The following ZNF140 variants were observed in gnomAD, a reference collection of about 807,000 sequenced individuals.
The protein encoded by ZNF140 is zinc finger protein 140.
ZNF140 carries 13 observed loss-of-function variants against 12.9 expected under a neutral mutation model. The observed-to-expected ratio is 1.01, with a 90% CI of 0.66 to 1.60. ZNF140 has a LOEUF of 1.60. Among genes scored for constraint, ZNF140 ranks in the 40% most tolerant of loss-of-function variants. The pLI is 0.00. For synonymous variants in ZNF140, 214 were observed against 186.7 expected (o/e 1.15, Z -1.19); for missense variants, 531 against 548.8 (o/e 0.97, Z 0.32).
At chr12:133,103,017 CA>C (rs1955412209) in intron 4 of ZNF140, among the ~76,000 whole-genome samples, 1 of 151,934 alleles carries the variant, frequency 6.6e-6, no homozygotes, top group Non-Finnish European at 1.5e-5. Context: ...CAATTAACCC[CA>C]TTTTTTCTTC....
Position 133,106,227 on chromosome 12 carries a change from C to T in ZNF140, c.950C>T (p.Thr317Ile). Residue 317 changes from threonine to isoleucine, a missense_variant, in exon 5 of 5, where the codon ACT becomes ATT. Coordinates refer to ENST00000355557, the MANE Select transcript of ZNF140 (RefSeq NM_003440.4). ...GKAFRRFSHL[T>I]RHQSIHTTKT... ...GCATTTCGCCGTTTCTCACACCTTA[C>T]TCGACATCAGAGCATCCATACAACC... 6.2e-7 allele frequency: 1 copy of T among 1,614,182 alleles called. No individual in the cohort carries two copies. The highest frequency in any genetic ancestry group is 8.5e-7 in the Non-Finnish European group (1 of 1,180,022).
chr12:133,105,055 GA>G (rs1308444481), intron 4 of ZNF140, among the ~76,000 whole-genome samples: 1 of 152,130 alleles, frequency 6.6e-6, no homozygotes, highest in Non-Finnish European at 1.5e-5. Flanking sequence ...AGTTTTCAGA[GA>G]AACCGCTTTT....
intron 4 of ZNF140, among the ~76,000 whole-genome samples, chr12:133,097,818 C>CGTGTGTGTGTGTGTGT (rs1377287336): frequency 0.042 from 4,493 of 106,464 alleles, 145 homozygotes; most frequent in African/African-American, 0.12. Flanking sequence ...CACATCTAAC[C>CGTGTGTGTGTGTGTGT]ATGTGTGTGT....
chr12:133,091,067 A>T (rs1303870908), intron 4 of ZNF140, among the ~76,000 whole-genome samples: 6 of 149,132 alleles, frequency 4.0e-5, no homozygotes, highest in Admixed American at 2.0e-4. Flanking sequence ...TCTCAACTGC[A>T]AGAGGCTTTC....
intron 4 of ZNF140, among the ~76,000 whole-genome samples, chr12:133,102,756 A>AG (rs1955393910): frequency 6.7e-6 from 1 of 149,370 alleles, no homozygotes; most frequent in African/African-American, 2.4e-5. Flanking sequence ...TTCTTAAAAA[A>AG]AAAAAAAAGA....
At chr12:133,105,158 G>GT in intron 4 of ZNF140, among the ~76,000 whole-genome samples, 1 of 152,160 alleles carries the variant, frequency 6.6e-6, no homozygotes, top group East Asian at 1.9e-4. Context: ...TTAGTGTTTA[G>GT]TAGCAGCATT....
At chr12:133,101,025 C>T in intron 4 of ZNF140, 1 of 452,406 alleles carries the variant, frequency 2.2e-6, no homozygotes, top group Non-Finnish European at 4.4e-6. Context: ...GAGAGGACTA[C>T]TGTAATTCCC....
intron 4 of ZNF140, among the ~76,000 whole-genome samples, chr12:133,093,771 G>T (rs1954975925): frequency 6.6e-6 from 1 of 150,748 alleles, no homozygotes; most frequent in South Asian, 2.1e-4. Flanking sequence ...CTTACTTTTT[G>T]TCTCCCTTCT....
At chr12:133,090,999 G>T (rs1954853396) in intron 4 of ZNF140, among the ~76,000 whole-genome samples, 1 of 148,868 alleles carries the variant, frequency 6.7e-6, no homozygotes, top group Admixed American at 6.7e-5. Flanking sequence ...GTACAATCGG[G>T]TTTTATACCG....
In ZNF140 at chr12:133,081,282, T is replaced by C; in HGVS notation, c.-39T>C. The C allele has an allele frequency of 1.9e-6, 3 of 1,543,238 alleles. No individual in the cohort carries two copies. Among genetic ancestry groups the C allele is most frequent in the Non-Finnish European group, 2.6e-6 (3 of 1,135,530 alleles). ...TTTCTCTCTCTGCCAGGTCTGCCAT[T>C]TTACACTTTTCTGATCTCCTCCTTC... On this transcript the variant is annotated 5_prime_UTR_variant, in exon 2 of 5. Coordinates refer to ENST00000355557, the MANE Select transcript of ZNF140 (RefSeq NM_003440.4).
chr12:133,104,499 A>ACC (rs1955498672), intron 4 of ZNF140, among the ~76,000 whole-genome samples: 74 of 151,762 alleles, frequency 4.9e-4, no homozygotes, highest in South Asian at 6.2e-4. Context: ...CTACAGGTGC[A>ACC]TGCCATCACG....
intron 2 of ZNF140, 43 bp downstream of exon 2, chr12:133,081,372 A>ATATATATATAT (rs1954490088): frequency 5.9e-4 from 64 of 108,474 alleles, no homozygotes; most frequent in Middle Eastern, 6.5e-3. Flanking sequence ...TATATATATA[A>ATATATATATAT]ATTTTTATTT....
chr12:133,105,665 C>A lies in ZNF140; in HGVS notation c.388C>A (p.Leu130Met). Residue 130 changes from leucine to methionine, a missense_variant, in exon 5 of 5, where the codon CTG becomes ATG. Physicochemically the swap from Leu to Met is conservative, Grantham distance 15. Coordinates refer to ENST00000355557, the MANE Select transcript of ZNF140 (RefSeq NM_003440.4). ...GAAATGCAAGGATCATACTGAGATG[C>A]TGCAAGAAAATCAGGGATGTATTAG... Reference protein sequence around the residue: ...GWKCKDHTEMLQENQGCIRKV... With the variant: ...GWKCKDHTEMMQENQGCIRKV... The A allele has an allele frequency of 6.2e-7, 1 of 1,614,116 alleles. No homozygotes were observed. The highest frequency in any genetic ancestry group is 1.1e-5 in the South Asian group (1 of 91,082).
chr12:133,081,327 C>A lies in ZNF140; in HGVS notation c.7C>A (p.Gln3Lys). The A allele has an allele frequency of 7.5e-7, 1 of 1,341,128 alleles. No individual in the cohort carries two copies. The allele number at this position is 1,341,128 out of a possible 1,614,324, so 83.1% of individuals were successfully genotyped here. A position where few individuals can be genotyped will look rare whatever the true frequency, so the allele number is the denominator to read the frequency against. Residue 3 changes from glutamine (Q) to lysine (K), a missense_variant and splice_region_variant, in exon 2 of 5, where the codon CAG becomes AAG. By Grantham distance (53) the Gln-to-Lys change is moderately conservative (BLOSUM62 1). Coordinates refer to ENST00000355557, the MANE Select transcript of ZNF140 (RefSeq NM_003440.4). The stretch of plus-strand genomic sequence containing the variant: ...TCCTTCCCTTCTGTGAGCTATGTCT[C>A]AGGTAAGCTAATGATTGATAAATAT... MS[Q>K]GSVTFRDVAI...
Position 133,106,819 on chromosome 12 carries a change from T to C in ZNF140, c.*168T>C, listed in dbSNP as rs1036329432. The C allele has an allele frequency of 5.6e-6, 3 of 533,864 alleles. No individual in the cohort carries two copies. Among genetic ancestry groups the C allele is most frequent in the Non-Finnish European group, 9.2e-6 (3 of 325,848 alleles). 33.1% of individuals were successfully genotyped at this position (533,864 alleles called of 1,614,324 possible). ...CTGGAGAAAAAAAAACCCAGGAATA[T>C]GTGGAAAAGCCATTAATAACCACTC... On this transcript the variant is annotated 3_prime_UTR_variant, in exon 5 of 5. Coordinates refer to ENST00000355557, the MANE Select transcript of ZNF140 (RefSeq NM_003440.4).
At chr12:133,081,661 G>A (rs1329710240) in intron 2 of ZNF140, 2 of 438,688 alleles carry the variant, frequency 4.6e-6, no homozygotes, top group Non-Finnish European at 9.2e-6. Context: ...AAGCTATCCA[G>A]ATGTGGGCGG....
At chr12:133,080,518 C>T (rs1954429496), upstream of ZNF140, 3 of 152,242 alleles carry the variant, frequency 2.0e-5, no homozygotes, top group Admixed American at 2.0e-4. Flanking sequence ...TGCGCTTGGC[C>T]GCGAGACACT....
intron 4 of ZNF140, among the ~76,000 whole-genome samples, chr12:133,083,869 A>G (rs986760686): frequency 6.6e-6 from 1 of 151,838 alleles, no homozygotes; most frequent in Non-Finnish European, 1.5e-5. Flanking sequence ...CTGAGGCAGG[A>G]GCATGGCGTG....
rs1344545796 is a variant in ZNF140, at chr12:133,081,084, C to T, written c.-49+12C>T. Reference sequence around the variant, plus strand: ...GTGGCCACTGTTAGGTGAGGGGGTTCTGGGGAGGCGCGCCGTGGCAGGAAG... The same window carrying T: ...GTGGCCACTGTTAGGTGAGGGGGTTTTGGGGAGGCGCGCCGTGGCAGGAAG... On this transcript the variant is annotated intron_variant, in intron 1 of 4. Coordinates refer to ENST00000355557, the MANE Select transcript of ZNF140 (RefSeq NM_003440.4). 8.1e-6 allele frequency: 2 copies of T among 247,440 alleles called. No individual in the cohort carries two copies. Among genetic ancestry groups the T allele is most frequent in the South Asian group, 4.4e-5 (1 of 22,874 alleles). 15.3% of individuals were successfully genotyped at this position (247,440 alleles called of 1,614,324 possible). A position where few individuals can be genotyped will look rare whatever the true frequency, so the allele number is the denominator to read the frequency against.
Sources: gnomAD v4.1 joint callset for allele counts (sites outside exome capture counted in the v4.1 genomes callset) on GRCh38, gnomAD v4.1.1 for gene constraint, MANE v1.5 for transcripts, NCBI Gene and HGNC (gene_info 2026-07-23, HGNC 2026-07-21) for gene names.